Variants in MAP6 observed in about 807,000 individuals in gnomAD.
MAP6 encodes microtubule-associated protein 6.
In MAP6, 26 loss-of-function variants were observed where a neutral mutation model predicts 42.4. The observed-to-expected ratio is 0.61, with a 90% CI of 0.45 to 0.85. MAP6 has a LOEUF of 0.85. Among genes scored for constraint, MAP6 ranks in the 40% least tolerant of loss-of-function variants. The pLI is 0.00. For synonymous variants in MAP6, 418 were observed against 443.8 expected, an observed-to-expected ratio of 0.94 and a Z score of 0.73; for missense variants, 966 against 1,099.0, an observed-to-expected ratio of 0.88 and a Z score of 1.71.
chr11:75,618,939 C>T (rs1309835331), intron 1 of MAP6, among the ~76,000 whole-genome samples: 1 of 152,238 alleles, frequency 6.6e-6, no homozygotes, highest in Non-Finnish European at 1.5e-5. Flanking sequence ...GGGGCCTCCC[C>T]CACCACAGCT....
intron 1 of MAP6, among the ~76,000 whole-genome samples, chr11:75,665,568 T>C (rs918730365): frequency 6.6e-6 from 1 of 152,200 alleles, no homozygotes; most frequent in African/African-American, 2.4e-5. Flanking sequence ...GCCAGTAATC[T>C]ATGATGTTGG....
rs192134125 is a variant in MAP6 at position 75,628,581 on chromosome 11, G to A, written c.906-20259C>T. ...CATCTCCTCTGCAGCAGGCCAGAGC[G>A]GCAGGAGGGAGAAAAACATTCACTT... is the stretch of plus-strand genomic sequence containing the variant. On this transcript the variant is annotated intron_variant, in intron 1 of 3. Coordinates refer to ENST00000304771, the MANE Select transcript of MAP6 (RefSeq NM_033063.2). 5.2e-3 allele frequency among the ~76,000 whole-genome samples: 789 copies of A among 152,292 alleles called. 3 individuals carry two copies. Among genetic ancestry groups the A allele is most frequent in the Non-Finnish European group, 8.3e-3 (562 of 68,032 alleles).
At chr11:75,604,605 T>C in intron 3 of MAP6, 1 of 985,390 alleles carries the variant, frequency 1.0e-6, no homozygotes, top group South Asian at 4.7e-5. Context: ...GGGTTTTTTT[T>C]TTCACAACAA....
intron 1 of MAP6, among the ~76,000 whole-genome samples, chr11:75,651,919 C>T (rs1358024932): frequency 6.6e-6 from 1 of 152,146 alleles, no homozygotes; most frequent in Non-Finnish European, 1.5e-5. Flanking sequence ...TATTGCCTAC[C>T]AGCCAGATAC....
intron 1 of MAP6, among the ~76,000 whole-genome samples, chr11:75,663,583 T>G (rs1330557066): frequency 6.6e-6 from 1 of 151,986 alleles, no homozygotes; most frequent in Non-Finnish European, 1.5e-5. Flanking sequence ...GAGACAGACA[T>G]GGACAAGAGT....
At chr11:75,625,009 C>T (rs137937513) in intron 1 of MAP6, among the ~76,000 whole-genome samples, 1 of 152,148 alleles carries the variant, frequency 6.6e-6, no homozygotes, top group Non-Finnish European at 1.5e-5. Flanking sequence ...TCACTCAACA[C>T]AAAGAAAACA....
intron 1 of MAP6, among the ~76,000 whole-genome samples, chr11:75,609,706 C>T (rs1189792409): frequency 3.3e-5 from 5 of 152,170 alleles, no homozygotes; most frequent in Admixed American, 2.6e-4. Context: ...TCCTGTTCTC[C>T]GTATTTCTTT....
intron 1 of MAP6, among the ~76,000 whole-genome samples, chr11:75,610,918 C>T (rs1942885558): frequency 6.6e-6 from 1 of 152,092 alleles, no homozygotes; most frequent in South Asian, 2.1e-4. Context: ...GGTTGAAGCT[C>T]TCCTGATTCT....
intron 3 of MAP6, chr11:75,605,534 T>TGCAGTCAGAGTGCCAGGGGAGGGC: frequency 8.0e-7 from 1 of 1,242,930 alleles, no homozygotes; most frequent in Non-Finnish European, 1.0e-6. Context: ...CTCATCAGCA[T>TGCAGTCAGAGTGCCAGGGGAGGGC]GCAGTCAGAG....
chr11:75,633,129 C>G (rs1943310964), intron 1 of MAP6, among the ~76,000 whole-genome samples: 1 of 151,836 alleles, frequency 6.6e-6, no homozygotes, highest in African/African-American at 2.4e-5. Context: ...CATATCTTCA[C>G]TTAAGTATTT....
At chr11:75,651,093 A>G (rs1943638906) in intron 1 of MAP6, among the ~76,000 whole-genome samples, 1 of 152,024 alleles carries the variant, frequency 6.6e-6, no homozygotes, top group Non-Finnish European at 1.5e-5. Flanking sequence ...GCATGTCCCA[A>G]TCCCTGGGGA....
intron 1 of MAP6, among the ~76,000 whole-genome samples, chr11:75,618,599 TA>T (rs561539674): frequency 0.03 from 4,325 of 144,556 alleles, 84 homozygotes; most frequent in Non-Finnish European, 0.043. Flanking sequence ...AAGTGAGACT[TA>T]AAAAAAAAAA....
At position 75,668,057 on chromosome 11, in the gene MAP6, C is replaced by T; in HGVS notation, c.313G>A (p.Gly105Ser). Residue 105 changes from glycine to serine, a missense_variant, in exon 1 of 4, where the codon GGC (glycine) becomes AGC (serine). Transcript: ENST00000304771. ...PAAGPGRSGP[G>S]PGLGSGSTSG... ...GTGGAGCCGGAGCCCAGGCCCGGGC[C>T]CGGCCCGCTCCGGCCGGGGCCCGCC... is the stretch of plus-strand genomic sequence containing the variant. 1 of 1,225,626 alleles carries T rather than the reference C, an allele frequency of 8.2e-7. No homozygotes were observed. The highest frequency in any genetic ancestry group is 1.0e-6 in the Non-Finnish European group (1 of 986,376). 75.9% of individuals were successfully genotyped at this position (1,225,626 alleles called of 1,614,324 possible).
At chr11:75,620,483 G>GAAAAAAAA (rs61563507) in intron 1 of MAP6, among the ~76,000 whole-genome samples, 3 of 69,764 alleles carry the variant, frequency 4.3e-5, no homozygotes, top group African/African-American at 4.6e-5. Flanking sequence ...TCAAAAGAGA[G>GAAAAAAAA]AAAAAAAAAA....
rs537438707 is a variant in MAP6 at position 75,642,760 on chromosome 11, C to T, written c.905+24705G>A. The T allele has an allele frequency of 1.0e-4, 34 of 330,462 alleles. 2 individuals are homozygous for T. Among genetic ancestry groups the T allele is most frequent in the Middle Eastern group, 2.4e-3 (2 of 832 alleles). 20.5% of individuals were successfully genotyped at this position (330,462 alleles called of 1,614,324 possible). ...AGAAAGTATAGCTGGAATGCCAAGG[C>T]TAAAAGCTGAAATACTACTGCAACT... is the stretch of plus-strand genomic sequence containing the variant. On this transcript the variant is annotated intron_variant, in intron 1 of 3. Transcript: ENST00000304771.
At position 75,608,033 on chromosome 11, in the gene MAP6, G is replaced by C. The variant is rs1264593723; in HGVS notation, c.1119+76C>G. On this transcript the variant is annotated intron_variant, in intron 2 of 3. Transcript: ENST00000304771. Reference sequence around the variant, plus strand: ...GGAGGCTGGGCCAGATTTGACAGCAGCCCACCCCATGCTCTGCTGCAGTTA... The same window carrying C: ...GGAGGCTGGGCCAGATTTGACAGCACCCCACCCCATGCTCTGCTGCAGTTA... 4.9e-6 allele frequency: 7 copies of C among 1,433,952 alleles called. No individual in the cohort carries two copies. The Admixed American group carries it at 1.2e-4, about 25-fold the overall frequency. 88.8% of individuals were successfully genotyped at this position (1,433,952 alleles called of 1,614,324 possible). A position where few individuals can be genotyped will look rare whatever the true frequency, so the allele number is the denominator to read the frequency against.
At chr11:75,604,859 C>A in intron 3 of MAP6, 1 of 985,500 alleles carries the variant, frequency 1.0e-6, no homozygotes, top group Non-Finnish European at 1.2e-6. Flanking sequence ...CAGACCAGAG[C>A]GGTTCAGGAA....
chr11:75,610,470 T>C (rs1942876209), intron 1 of MAP6, among the ~76,000 whole-genome samples: 2 of 152,170 alleles, frequency 1.3e-5, no homozygotes, highest in African/African-American at 4.8e-5. Flanking sequence ...AAAGGCCCTG[T>C]GGGGACCAAC....
intron 1 of MAP6, among the ~76,000 whole-genome samples, chr11:75,623,491 C>G (rs563281683): frequency 5.9e-5 from 9 of 152,340 alleles, no homozygotes; most frequent in African/African-American, 2.2e-4. Context: ...CCTGACACCC[C>G]TCCCTTTGCA....
Sources: allele counts gnomAD v4.1 joint callset (sites outside exome capture counted in the v4.1 genomes callset), GRCh38; gene constraint gnomAD v4.1.1; transcripts MANE v1.5; gene names NCBI Gene and HGNC (gene_info 2026-07-23, HGNC 2026-07-21).